DPP10: variants seen among roughly 807,000 people sequenced by gnomAD.
The protein encoded by DPP10 is dipeptidyl peptidase like 10.
A neutral mutation model predicts 120.9 loss-of-function variants in DPP10; 33 were observed. That is an observed-to-expected ratio of 0.27 (90% CI 0.21 to 0.37). The LOEUF (loss-of-function observed/expected upper bound fraction) is 0.37. Ranked by LOEUF, DPP10 falls within the 10% of genes least tolerant of loss-of-function variation. DPP10 has a pLI of 1.00. For missense variants in DPP10, 816 were observed against 942.8 expected, an observed-to-expected ratio of 0.87 and a Z score of 1.76; for synonymous variants, 337 against 326.1, an observed-to-expected ratio of 1.03 and a Z score of -0.36.
intron 1 of DPP10, among the ~76,000 whole-genome samples, chr2:114,671,135 G>A (rs1558988943): frequency 6.6e-6 from 1 of 152,116 alleles, no homozygotes; most frequent in Non-Finnish European, 1.5e-5. Flanking sequence ...ATGGGTTTAA[G>A]AAGGATTAAA....
intron 1 of DPP10, among the ~76,000 whole-genome samples, chr2:115,202,394 AC>A (rs2055800469): frequency 6.6e-6 from 1 of 152,228 alleles, no homozygotes; most frequent in African/African-American, 2.4e-5. Context: ...ATGGAATTGA[AC>A]ATATTTTCAA....
intron 2 of DPP10, among the ~76,000 whole-genome samples, chr2:115,311,579 T>C (rs1348359973): frequency 2.0e-5 from 3 of 152,290 alleles, no homozygotes. Flanking sequence ...ATTGTGGAGT[T>C]CTCACCACAT....
chr2:115,791,171 A>T lies in DPP10; in HGVS notation c.1622A>T (p.Asp541Val), dbSNP rs1410026500. The T allele has an allele frequency of 6.2e-7, 1 of 1,613,126 alleles. No individual in the cohort carries two copies. The highest frequency in any genetic ancestry group is 2.2e-5 in the East Asian group (1 of 44,774). ...CCAGAAATTAAAATCCTTCATATTG[A>T]CGACTATGGTAAAATTTTGTGCATG... Reference protein sequence around the residue: ...GKPEIKILHIDDYELPLQLSL... With the variant: ...GKPEIKILHIVDYELPLQLSL... Residue 541 changes from aspartate to valine, a missense_variant, in exon 18 of 26, where the codon GAC (aspartate) becomes GTC (valine). Coordinates refer to ENST00000410059, the MANE Select transcript of DPP10 (RefSeq NM_020868.6).
chr2:114,959,365 A>G (rs1436987382), intron 1 of DPP10, among the ~76,000 whole-genome samples: 1 of 152,132 alleles, frequency 6.6e-6, no homozygotes, highest in Non-Finnish European at 1.5e-5. Context: ...TTCAGTTAGC[A>G]TATATTTCCA....
chr2:115,683,435 A>G (rs559416615), intron 5 of DPP10, among the ~76,000 whole-genome samples: 36 of 151,998 alleles, frequency 2.4e-4, no homozygotes, highest in African/African-American at 7.9e-4. Flanking sequence ...ATCATTATAT[A>G]CTCATCATAA....
intron 1 of DPP10, among the ~76,000 whole-genome samples, chr2:114,529,361 CT>C: frequency 6.6e-6 from 1 of 152,246 alleles, no homozygotes; most frequent in South Asian, 2.1e-4. Flanking sequence ...AGAGAGTGGT[CT>C]TTTAAAGGGT....
At chr2:114,865,401 G>T (rs769496724) in intron 1 of DPP10, among the ~76,000 whole-genome samples, 3 of 152,162 alleles carry the variant, frequency 2.0e-5, no homozygotes, top group Non-Finnish European at 4.4e-5. Flanking sequence ...TGACTTGCTT[G>T]CAGAAAAGTT....
chr2:114,528,145 A>G (rs562497288), intron 1 of DPP10, among the ~76,000 whole-genome samples: 2 of 152,244 alleles, frequency 1.3e-5, no homozygotes, highest in East Asian at 3.9e-4. Flanking sequence ...TGATGACTTT[A>G]CAGCCACCTC....
intron 1 of DPP10, among the ~76,000 whole-genome samples, chr2:115,091,555 T>C (rs1709262711): frequency 6.6e-6 from 1 of 152,112 alleles, no homozygotes; most frequent in Non-Finnish European, 1.5e-5. Context: ...AACATGTGTC[T>C]ATATGTTTAG....
chr2:114,611,975 C>T (rs1362633189), intron 1 of DPP10, among the ~76,000 whole-genome samples: 1 of 152,152 alleles, frequency 6.6e-6, no homozygotes, highest in Non-Finnish European at 1.5e-5. Context: ...TTTCCTAGGA[C>T]AAACAAACAA....
At chr2:115,627,244 C>A (rs1002427143) in intron 5 of DPP10, among the ~76,000 whole-genome samples, 1 of 152,156 alleles carries the variant, frequency 6.6e-6, no homozygotes, top group African/African-American at 2.4e-5. Flanking sequence ...GGGATTCCTA[C>A]TCTAGTGTTA....
chr2:115,191,501 C>T (rs577259524), intron 1 of DPP10, among the ~76,000 whole-genome samples: 10 of 152,266 alleles, frequency 6.6e-5, no homozygotes, highest in African/African-American at 2.2e-4. Context: ...GCAGAATTGA[C>T]GTGGTTACGT....
chr2:115,771,927 C>T (rs897298752), intron 13 of DPP10, among the ~76,000 whole-genome samples: 2 of 151,850 alleles, frequency 1.3e-5, no homozygotes, highest in Non-Finnish European at 2.9e-5. Context: ...AGAGACCAAG[C>T]TAGACAATTA....
At chr2:115,630,058 G>T (rs1332141417) in intron 5 of DPP10, among the ~76,000 whole-genome samples, 6 of 151,972 alleles carry the variant, frequency 3.9e-5, no homozygotes, top group Non-Finnish European at 7.4e-5. Flanking sequence ...TTTTCCATTT[G>T]TCTGTGTCCT....
intron 1 of DPP10, among the ~76,000 whole-genome samples, chr2:115,268,550 AT>A: frequency 6.6e-6 from 1 of 152,158 alleles, no homozygotes; most frequent in Non-Finnish European, 1.5e-5. Context: ...ATTATCTTGG[AT>A]TTTATTAACT....
chr2:114,520,669 C>T (rs186086125), intron 1 of DPP10, among the ~76,000 whole-genome samples: 1 of 152,296 alleles, frequency 6.6e-6, no homozygotes, highest in East Asian at 1.9e-4. Context: ...ACCATCTTCT[C>T]CATGACAGCA....
At chr2:115,089,396 C>T (rs1709052608) in intron 1 of DPP10, among the ~76,000 whole-genome samples, 1 of 152,146 alleles carries the variant, frequency 6.6e-6, no homozygotes, top group South Asian at 2.1e-4. Context: ...TGTCCTGTCT[C>T]CAAGACTAGA....
chr2:114,978,530 G>A (rs1336229284), intron 1 of DPP10, among the ~76,000 whole-genome samples: 2 of 152,072 alleles, frequency 1.3e-5, no homozygotes, highest in Non-Finnish European at 2.9e-5. Context: ...AAGAATCTCA[G>A]GACATAATCT....
At chr2:115,717,811 T>C (rs2421282) in intron 7 of DPP10, among the ~76,000 whole-genome samples, 41,551 of 151,930 alleles carry the variant, frequency 0.27, 5,930 homozygotes, top group Middle Eastern at 0.41. Context: ...CTGCTGTTGC[T>C]CTTGCGAATA....
Sources: allele counts gnomAD v4.1 joint callset (sites outside exome capture counted in the v4.1 genomes callset), GRCh38; gene constraint gnomAD v4.1.1; transcripts MANE v1.5; gene names NCBI Gene and HGNC (gene_info 2026-07-23, HGNC 2026-07-21).